The following STAG1 variants were observed in gnomAD, a reference collection of about 807,000 sequenced individuals.
STAG1 encodes the protein STAG1 cohesin complex component.
Under a neutral mutation model 170.9 loss-of-function variants are expected in STAG1, and 26 were observed. The observed-to-expected ratio is 0.15, with a 90% CI of 0.11 to 0.21. The LOEUF is 0.21. Among genes scored for constraint, STAG1 ranks in the 10% least tolerant of loss-of-function variants. STAG1 has a pLI of 1.00. For missense variants in STAG1, 964 were observed against 1,509.5 expected, an observed-to-expected ratio of 0.64 and a Z score of 5.99; for synonymous variants, 514 against 497.7, an observed-to-expected ratio of 1.03 and a Z score of -0.44.
intron 1 of STAG1, among the ~76,000 whole-genome samples, chr3:136,748,143 G>A (rs997530499): frequency 5.3e-5 from 8 of 150,488 alleles, no homozygotes; most frequent in African/African-American, 1.9e-4. Context: ...TGTAATCCCA[G>A]CACTTTGGGA....
At chr3:136,435,554 T>C (rs2088434759) in intron 15 of STAG1, among the ~76,000 whole-genome samples, 1 of 152,012 alleles carries the variant, frequency 6.6e-6, no homozygotes, top group South Asian at 2.1e-4. Flanking sequence ...CTAGTACCAT[T>C]AAAAAAAATG....
chr3:136,750,047 A>T (rs1445910178), intron 1 of STAG1, among the ~76,000 whole-genome samples: 1 of 152,214 alleles, frequency 6.6e-6, no homozygotes, highest in Non-Finnish European at 1.5e-5. Flanking sequence ...TGAGATTATG[A>T]ACATACACAG....
rs1939942994 is a variant in STAG1, at chr3:136,623,206, G to A, written c.72C>T (p.Ser24=). The change falls in exon 3 of 34, where the codon AGC becomes AGT. Residue 24 remains serine (S), a synonymous_variant. Transcript: ENST00000383202. ...CTTTGACCTCTGTTTCTTCAAGCTC[G>A]CTGCCAGCATCGGAATGGGCAGTAG... The part of the protein sequence containing the change: ...NETTAHSDAG[S]ELEETEVKGK... 3.1e-6 allele frequency: 5 copies of A among 1,613,422 alleles called. No homozygotes were observed. Among genetic ancestry groups the A allele is most frequent in the African/African-American group, 1.3e-5 (1 of 74,884 alleles).
At chr3:136,504,094 A>AT (rs1257619546) in intron 7 of STAG1, among the ~76,000 whole-genome samples, 15 of 152,056 alleles carry the variant, frequency 9.9e-5, no homozygotes, top group Admixed American at 7.9e-4. Context: ...TATAGTATGT[A>AT]TGTATGCTGT....
intron 4 of STAG1, among the ~76,000 whole-genome samples, chr3:136,597,983 T>G (rs572917324): frequency 6.6e-6 from 1 of 152,134 alleles, no homozygotes. Context: ...TTTCTGTTTA[T>G]AAAAACTATT....
At chr3:136,387,290 C>T (rs1349195184) in intron 22 of STAG1, among the ~76,000 whole-genome samples, 2 of 152,164 alleles carry the variant, frequency 1.3e-5, no homozygotes, top group Non-Finnish European at 2.9e-5. Flanking sequence ...TCCAATAAAA[C>T]ATCATTTACA....
chr3:136,432,484 A>G (rs1003573980), intron 16 of STAG1, among the ~76,000 whole-genome samples: 1 of 138,410 alleles, frequency 7.2e-6, no homozygotes, highest in Non-Finnish European at 1.5e-5. Context: ...TACAGTAACT[A>G]AAGATTTTAA....
At chr3:136,529,737 C>CA (rs1171926045) in intron 6 of STAG1, among the ~76,000 whole-genome samples, 1 of 152,012 alleles carries the variant, frequency 6.6e-6, no homozygotes, top group Non-Finnish European at 1.5e-5. Flanking sequence ...AGCAAACACA[C>CA]ATATGAGGAA....
At chr3:136,502,815 C>G in intron 7 of STAG1, 36 bp from the exon 8 acceptor site, 4 of 1,475,982 alleles carry the variant, frequency 2.7e-6, no homozygotes, top group African/African-American at 2.9e-5. Context: ...ACCTATGAAT[C>G]AAAACTTTAT....
chr3:136,584,841 T>C (rs1937729856), intron 4 of STAG1, among the ~76,000 whole-genome samples: 1 of 152,238 alleles, frequency 6.6e-6, no homozygotes, highest in African/African-American at 2.4e-5. Context: ...CCATTAATGC[T>C]GCAAACAGCA....
At chr3:136,476,081 G>A (rs1275884007) in intron 10 of STAG1, among the ~76,000 whole-genome samples, 1 of 152,190 alleles carries the variant, frequency 6.6e-6, no homozygotes, top group Non-Finnish European at 1.5e-5. Flanking sequence ...CATTTCCTCT[G>A]AATTTGTAGG....
intron 3 of STAG1, among the ~76,000 whole-genome samples, chr3:136,609,823 G>C (rs67145204): frequency 0.17 from 26,327 of 152,048 alleles, 2,590 homozygotes; most frequent in Non-Finnish European, 0.22. Context: ...CCAGAAAATA[G>C]TGTGGGATAC....
At chr3:136,403,752 A>G (rs2087404173) in intron 21 of STAG1, among the ~76,000 whole-genome samples, 1 of 152,174 alleles carries the variant, frequency 6.6e-6, no homozygotes, top group Non-Finnish European at 1.5e-5. Context: ...TACACTATAA[A>G]TATTTCAGGC....
chr3:136,462,115 G>C (rs1458251373), intron 13 of STAG1, among the ~76,000 whole-genome samples: 1 of 152,018 alleles, frequency 6.6e-6, no homozygotes. Flanking sequence ...AATTAGTACA[G>C]CAACAGTGGA....
chr3:136,402,804 G>T (rs1348614116), intron 21 of STAG1, among the ~76,000 whole-genome samples: 1 of 151,902 alleles, frequency 6.6e-6, no homozygotes, highest in South Asian at 2.1e-4. Context: ...CCCAGCGTGG[G>T]TGACAGTGAG....
At chr3:136,563,797 G>C (rs570441163) in intron 5 of STAG1, among the ~76,000 whole-genome samples, 1 of 152,090 alleles carries the variant, frequency 6.6e-6, no homozygotes, top group African/African-American at 2.4e-5. Context: ...AAGGCGGGTG[G>C]ATCATGAGGT....
At chr3:136,652,243 A>G (rs1941243532) in intron 1 of STAG1, among the ~76,000 whole-genome samples, 1 of 152,236 alleles carries the variant, frequency 6.6e-6, no homozygotes, top group Non-Finnish European at 1.5e-5. Context: ...TAAAAGACAA[A>G]TATACTCACA....
chr3:136,670,320 T>C lies in STAG1; in HGVS notation c.-83-39339A>G, dbSNP rs139825180. Among the ~76,000 whole-genome samples the C allele has an allele frequency of 2.6e-5, 4 of 152,376 alleles. No individual in the cohort carries two copies. In the East Asian group the frequency reaches 7.7e-4, roughly 29 times the overall value. ...AATGCCATGGAAAAACAGTGATTCA[T>C]AATTAAGTGATTTTAAAACTACACT... is the stretch of plus-strand genomic sequence containing the variant. On this transcript the variant is annotated intron_variant, in intron 1 of 33. Coordinates refer to ENST00000383202, the MANE Select transcript of STAG1 (RefSeq NM_005862.3).
intron 4 of STAG1, among the ~76,000 whole-genome samples, chr3:136,578,242 A>C (rs551584718): frequency 1.1e-4 from 16 of 152,216 alleles, no homozygotes; most frequent in Non-Finnish European, 1.5e-4. Context: ...AAGTGGCCAC[A>C]CTTAACCATC....
Sources: allele counts gnomAD v4.1 joint callset (sites outside exome capture counted in the v4.1 genomes callset), GRCh38; gene constraint gnomAD v4.1.1; transcripts MANE v1.5; gene names NCBI Gene and HGNC (gene_info 2026-07-23, HGNC 2026-07-21).